The following NRG1 variants were observed in gnomAD, a reference collection of about 807,000 sequenced individuals.
NRG1 encodes pro-neuregulin-1, membrane-bound isoform.
NRG1 carries 18 observed loss-of-function variants against 63.8 expected under a neutral mutation model. That is an observed-to-expected ratio of 0.28 (90% CI 0.19 to 0.42). The LOEUF is 0.42. Among genes scored for constraint, NRG1 ranks in the 10% least tolerant of loss-of-function variants. The pLI is 1.00. For synonymous variants in NRG1, 302 were observed against 301.3 expected, an observed-to-expected ratio of 1.00 and a Z score of -0.02; for missense variants, 762 against 814.7, an observed-to-expected ratio of 0.94 and a Z score of 0.79.
chr8:32,238,352 G>A (rs1847779476), intron 1 of NRG1, among the ~76,000 whole-genome samples: 1 of 151,768 alleles, frequency 6.6e-6, no homozygotes, highest in Non-Finnish European at 1.5e-5. Context: ...CCAGCTACTT[G>A]GGAGGCTGGG....
rs368587066 is a variant in NRG1 at position 31,903,720 on chromosome 8, C to A, written c.37+264289C>A. Among the ~76,000 whole-genome samples, 7 of 152,108 alleles carry A rather than the reference C, an allele frequency of 4.6e-5. No homozygotes were observed. The South Asian group carries it at 8.3e-4, about 18-fold the overall frequency. On this transcript the variant is annotated intron_variant, in intron 1 of 10. Coordinates refer to the NRG1 transcript ENST00000519301. ...GTGTAATCCCAGCCCTTCGGGAGGCCGAGGTGGGCAGATCACTTGAGGTCA... is the reference window on the plus strand; with the variant it reads ...GTGTAATCCCAGCCCTTCGGGAGGCAGAGGTGGGCAGATCACTTGAGGTCA...
intron 1 of NRG1, among the ~76,000 whole-genome samples, chr8:31,805,446 G>T (rs1193603915): frequency 6.6e-6 from 1 of 152,058 alleles, no homozygotes; most frequent in East Asian, 1.9e-4. Context: ...TATGGATTAT[G>T]AAACAGCATA....
intron 1 of NRG1, among the ~76,000 whole-genome samples, chr8:31,797,838 T>A (rs774551353): frequency 2.6e-4 from 39 of 152,212 alleles, no homozygotes; most frequent in Non-Finnish European, 3.5e-4. Flanking sequence ...CAGAATGGCT[T>A]ACTATTCAGC....
chr8:32,735,845 T>C (rs1356025864), intron 6 of NRG1, among the ~76,000 whole-genome samples: 7 of 152,204 alleles, frequency 4.6e-5, no homozygotes, highest in African/African-American at 1.7e-4. Flanking sequence ...ACCCTCATTA[T>C]TGGGATTATA....
intron 1 of NRG1, among the ~76,000 whole-genome samples, chr8:32,143,569 A>G (rs551330620): frequency 2.2e-4 from 33 of 152,270 alleles, no homozygotes; most frequent in Admixed American, 3.9e-4. Flanking sequence ...GACATAAACT[A>G]TGTTCTTCAT....
chr8:32,238,504 C>T (rs1847803730), intron 1 of NRG1, among the ~76,000 whole-genome samples: 1 of 151,420 alleles, frequency 6.6e-6, no homozygotes, highest in Non-Finnish European at 1.5e-5. Context: ...AGCATAGTGT[C>T]ACCATATTAC....
chr8:31,899,559 A>T (rs1276421639), intron 1 of NRG1, among the ~76,000 whole-genome samples: 1 of 152,092 alleles, frequency 6.6e-6, no homozygotes, highest in African/African-American at 2.4e-5. Flanking sequence ...TATTATTATC[A>T]TTTCTTACTG....
At chr8:32,325,483 G>A (rs895882382) in intron 1 of NRG1, among the ~76,000 whole-genome samples, 7 of 152,170 alleles carry the variant, frequency 4.6e-5, no homozygotes, top group Non-Finnish European at 1.0e-4. Context: ...TCAGGCTCAG[G>A]CCTTTCCCAC....
chr8:32,490,915 C>A (rs1826480519), intron 1 of NRG1, among the ~76,000 whole-genome samples: 1 of 152,126 alleles, frequency 6.6e-6, no homozygotes, highest in Non-Finnish European at 1.5e-5. Context: ...TGTGACTTCG[C>A]CCCATCTCCA....
At chr8:32,541,269 G>C (rs1247421409) in intron 1 of NRG1, among the ~76,000 whole-genome samples, 1 of 152,090 alleles carries the variant, frequency 6.6e-6, no homozygotes, top group Non-Finnish European at 1.5e-5. Flanking sequence ...CTGAAGAAAA[G>C]GGAGGATGTT....
chr8:32,177,391 A>G (rs1255094939), intron 1 of NRG1, among the ~76,000 whole-genome samples: 3 of 151,952 alleles, frequency 2.0e-5, no homozygotes, highest in Non-Finnish European at 4.4e-5. Context: ...TGAGGAGTTA[A>G]TGGGTGCAGC....
intron 11 of NRG1, chr8:32,763,324 G>T: frequency 1.2e-6 from 2 of 1,613,792 alleles, no homozygotes; most frequent in Non-Finnish European, 1.7e-6. Context: ...TCCCCATTTG[G>T]GCTTCATTCT....
intron 5 of NRG1, among the ~76,000 whole-genome samples, chr8:32,692,107 T>A (rs1296217634): frequency 6.6e-6 from 1 of 152,232 alleles, no homozygotes; most frequent in Non-Finnish European, 1.5e-5. Flanking sequence ...ATATGCATAA[T>A]GACTTGAAGT....
chr8:32,215,511 CCTCACA>C (rs1430316126), intron 1 of NRG1, among the ~76,000 whole-genome samples: 1 of 152,162 alleles, frequency 6.6e-6, no homozygotes, highest in Non-Finnish European at 1.5e-5. Flanking sequence ...TCTCACTAAT[CCTCACA>C]CACTTATGAG....
intron 1 of NRG1, among the ~76,000 whole-genome samples, chr8:32,307,737 C>G (rs1856376085): frequency 1.3e-5 from 2 of 152,094 alleles, no homozygotes; most frequent in East Asian, 1.9e-4. Flanking sequence ...AATGCCCACA[C>G]ATGTAGGTTT....
intron 1 of NRG1, among the ~76,000 whole-genome samples, chr8:32,143,243 T>G (rs6468086): frequency 0.2 from 30,367 of 150,818 alleles, 3,291 homozygotes; most frequent in Middle Eastern, 0.3. Context: ...GCTTTTTTTT[T>G]GGGGGGGGAA....
chr8:31,659,313 A>G (rs994879076), intron 1 of NRG1, among the ~76,000 whole-genome samples: 1 of 152,228 alleles, frequency 6.6e-6, no homozygotes, highest in Non-Finnish European at 1.5e-5. Context: ...CGGAAAAGTT[A>G]AAATGATAGC....
chr8:32,391,609 G>C (rs1811776811), intron 1 of NRG1, among the ~76,000 whole-genome samples: 1 of 152,162 alleles, frequency 6.6e-6, no homozygotes, highest in Non-Finnish European at 1.5e-5. Context: ...GTGAGAATAT[G>C]TGGTATTTGG....
intron 1 of NRG1, among the ~76,000 whole-genome samples, chr8:31,658,050 T>C (rs1365363695): frequency 6.6e-6 from 1 of 152,190 alleles, no homozygotes; most frequent in Admixed American, 6.5e-5. Context: ...TGCATACATT[T>C]TGAGAGTAGT....
Sources: allele counts gnomAD v4.1 joint callset (sites outside exome capture counted in the v4.1 genomes callset), GRCh38; gene constraint gnomAD v4.1.1; transcripts MANE v1.5; gene names NCBI Gene and HGNC (gene_info 2026-07-23, HGNC 2026-07-21).